The following STX8 variants were observed in gnomAD, a reference collection of about 807,000 sequenced individuals.
The protein encoded by STX8 is syntaxin 8.
Under a neutral mutation model 37.5 loss-of-function variants are expected in STX8, and 23 were observed. The ratio of observed to expected loss-of-function variants is 0.61; its 90% CI spans 0.44 to 0.87. The LOEUF (loss-of-function observed/expected upper bound fraction) is 0.87, where lower values mean the gene tolerates loss of function less well. Among genes scored for constraint, STX8 ranks in the 40% least tolerant of loss-of-function variants. The pLI is 0.00. For missense variants in STX8, 313 were observed against 284.7 expected, an observed-to-expected ratio of 1.10 and a Z score of -0.71; for synonymous variants, 115 against 99.1, an observed-to-expected ratio of 1.16 and a Z score of -0.95.
At chr17:9,251,672 G>A (rs977764624) in intron 7 of STX8, among the ~76,000 whole-genome samples, 2 of 152,190 alleles carry the variant, frequency 1.3e-5, no homozygotes, top group Non-Finnish European at 2.9e-5. Flanking sequence ...GCATATGTTC[G>A]TGAGCAAAGA....
chr17:9,481,343 C>T (rs1906334754), intron 6 of STX8, among the ~76,000 whole-genome samples: 1 of 152,216 alleles, frequency 6.6e-6, no homozygotes, highest in Non-Finnish European at 1.5e-5. Flanking sequence ...GTAACAGGAA[C>T]TCCTTCCACT....
chr17:9,311,428 T>A (rs1289754188), intron 7 of STX8, among the ~76,000 whole-genome samples: 1 of 152,164 alleles, frequency 6.6e-6, no homozygotes, highest in Non-Finnish European at 1.5e-5. Context: ...AAAAACTTGG[T>A]GTATATATTA....
intron 7 of STX8, among the ~76,000 whole-genome samples, chr17:9,309,880 C>T (rs1001397832): frequency 6.6e-6 from 1 of 152,100 alleles, no homozygotes; most frequent in African/African-American, 2.4e-5. Flanking sequence ...TCATAAACTC[C>T]ATATCAACAG....
chr17:9,557,219 T>C (rs1907015525), intron 3 of STX8: 2 of 483,056 alleles, frequency 4.1e-6, no homozygotes, highest in Admixed American at 6.6e-5. Context: ...CCCAAATAAG[T>C]TAATTCCCTC....
At chr17:9,486,483 T>C (rs1906603231) in intron 6 of STX8, among the ~76,000 whole-genome samples, 1 of 152,202 alleles carries the variant, frequency 6.6e-6, no homozygotes, top group Non-Finnish European at 1.5e-5. Flanking sequence ...CTTTGTGATG[T>C]GATTCTTTGT....
chr17:9,363,339 T>C lies in STX8; in HGVS notation c.643+15213A>G, dbSNP rs185029498. ...TTCATTTCATTTCAATTTACGGATA[T>C]AAAAGAAAAATCTATATATAAATAG... On this transcript the variant is annotated intron_variant, in intron 7 of 7. Transcript: ENST00000306357. Among the ~76,000 whole-genome samples the C allele has an allele frequency of 3.9e-5, 6 of 152,258 alleles. No individual in the cohort carries two copies. In the East Asian group the frequency reaches 1.2e-3, roughly 29 times the overall value.
intron 6 of STX8, among the ~76,000 whole-genome samples, chr17:9,486,100 C>T (rs1281953253): frequency 6.6e-6 from 1 of 152,124 alleles, no homozygotes; most frequent in Non-Finnish European, 1.5e-5. Context: ...AAATAACTCA[C>T]CTATAAAAAA....
chr17:9,481,433 T>G (rs140553082), intron 6 of STX8, among the ~76,000 whole-genome samples: 1 of 152,140 alleles, frequency 6.6e-6, no homozygotes, highest in Non-Finnish European at 1.5e-5. Context: ...GTACTTAAAT[T>G]CTAGGGGTGT....
At chr17:9,527,185 C>CAAAAAAAAAAAAAAAAAAAAAA (rs61665330) in intron 4 of STX8, among the ~76,000 whole-genome samples, 1 of 49,634 alleles carries the variant, frequency 2.0e-5, no homozygotes, top group African/African-American at 9.7e-5. Flanking sequence ...GACTCCGTCT[C>CAAAAAAAAAAAAAAAAAAAAAA]AAAAAAAAAA....
intron 6 of STX8, among the ~76,000 whole-genome samples, chr17:9,466,247 A>C (rs990061049): frequency 3.9e-5 from 6 of 152,224 alleles, no homozygotes; most frequent in African/African-American, 1.4e-4. Flanking sequence ...CTGGGATTAC[A>C]GGCTTGAGCC....
intron 4 of STX8, among the ~76,000 whole-genome samples, chr17:9,522,059 AT>A (rs1430595457): frequency 1.3e-5 from 2 of 152,178 alleles, no homozygotes; most frequent in Non-Finnish European, 2.9e-5. Flanking sequence ...TCCAACTCAA[AT>A]TTCAAAACCC....
chr17:9,434,778 T>C (rs1376364860), intron 6 of STX8, among the ~76,000 whole-genome samples: 2 of 152,206 alleles, frequency 1.3e-5, no homozygotes, highest in Non-Finnish European at 2.9e-5. Flanking sequence ...ATATGGGCTG[T>C]TGGCTAGCTG....
At chr17:9,361,011 G>A (rs9916397) in intron 7 of STX8, among the ~76,000 whole-genome samples, 8,487 of 152,140 alleles carry the variant, frequency 0.056, 788 homozygotes, top group African/African-American at 0.19. Context: ...TCAGACTCAT[G>A]GGCAGAAAAA....
intron 6 of STX8, among the ~76,000 whole-genome samples, chr17:9,420,236 C>T (rs1001824036): frequency 6.6e-6 from 1 of 152,222 alleles, no homozygotes; most frequent in African/African-American, 2.4e-5. Flanking sequence ...TCAACATCGG[C>T]CGCCAGGGAC....
chr17:9,484,324 C>G (rs1906481644), intron 6 of STX8, among the ~76,000 whole-genome samples: 1 of 150,586 alleles, frequency 6.6e-6, no homozygotes, highest in Non-Finnish European at 1.5e-5. Flanking sequence ...AATACAGGAT[C>G]CTAGGGGAGC....
chr17:9,512,139 T>C (rs1905034762), intron 4 of STX8, among the ~76,000 whole-genome samples: 1 of 152,148 alleles, frequency 6.6e-6, no homozygotes, highest in Non-Finnish European at 1.5e-5. Flanking sequence ...ATTGGAAGAA[T>C]TAATATTGTT....
intron 7 of STX8, among the ~76,000 whole-genome samples, chr17:9,327,376 GAGAAGGAGGGGGAGAGGGAGAAGGAGA>G (rs1909812962): frequency 1.3e-5 from 2 of 150,842 alleles, no homozygotes; most frequent in South Asian, 2.1e-4. Flanking sequence ...GGAGAAGGAG[GAGAAGGAGGGGGAGAGGGAGAAGGAGA>G]AGAAGAAGAA....
At chr17:9,571,487 T>TA (rs112023657) in intron 1 of STX8, among the ~76,000 whole-genome samples, 1 of 148,190 alleles carries the variant, frequency 6.7e-6, no homozygotes, top group Non-Finnish European at 1.5e-5. Flanking sequence ...AGTAATTGGG[T>TA]CGGGGGGTGG....
chr17:9,279,955 CAG>C (rs1259150967), intron 7 of STX8, among the ~76,000 whole-genome samples: 1 of 152,188 alleles, frequency 6.6e-6, no homozygotes, highest in Non-Finnish European at 1.5e-5. Flanking sequence ...GAAAATATAA[CAG>C]GGTGTGATGG....
Sources: gnomAD v4.1 joint callset for allele counts (sites outside exome capture counted in the v4.1 genomes callset) on GRCh38, gnomAD v4.1.1 for gene constraint, MANE v1.5 for transcripts, NCBI Gene and HGNC (gene_info 2026-07-23, HGNC 2026-07-21) for gene names.